Variants in MICU1 observed in about 807,000 individuals in gnomAD.
MICU1 encodes the protein mitochondrial calcium uptake 1.
In MICU1, 45 loss-of-function variants were observed where a neutral mutation model predicts 56.8. The observed-to-expected ratio is 0.79, with a 90% CI of 0.62 to 1.02. MICU1 has a LOEUF of 1.02. MICU1 is among the 50% of genes least tolerant of loss of function. MICU1 has a pLI of 0.00. For synonymous variants in MICU1, 186 were observed against 195.1 expected (o/e 0.95, Z 0.39); for missense variants, 504 against 587.1 (o/e 0.86, Z 1.46).
intron 7 of MICU1, 91 bp from the exon 8 acceptor site, chr10:72,475,388 A>G: frequency 8.5e-7 from 1 of 1,177,874 alleles, no homozygotes; most frequent in Non-Finnish European, 1.2e-6. Context: ...ATTGTTTACT[A>G]TTTGCCTACT....
intron 1 of MICU1, among the ~76,000 whole-genome samples, chr10:72,604,304 G>C (rs1489618593): frequency 1.1e-5 from 1 of 89,418 alleles, no homozygotes; most frequent in Non-Finnish European, 2.2e-5. Context: ...ACGGAGTTTT[G>C]CTCTTATTGT....
intron 8 of MICU1, among the ~76,000 whole-genome samples, chr10:72,423,909 G>C (rs1864261291): frequency 6.6e-6 from 1 of 152,182 alleles, no homozygotes; most frequent in African/African-American, 2.4e-5. Flanking sequence ...TTAGGACATT[G>C]ATAGAGATAG....
At chr10:72,392,288 G>A (rs765545984) in intron 10 of MICU1, among the ~76,000 whole-genome samples, 5 of 152,076 alleles carry the variant, frequency 3.3e-5, no homozygotes, top group African/African-American at 4.8e-5. Context: ...AAAACACAGA[G>A]GGCCAGGCAC....
At chr10:72,472,742 A>T (rs1422207506) in intron 8 of MICU1, among the ~76,000 whole-genome samples, 2 of 152,210 alleles carry the variant, frequency 1.3e-5, no homozygotes, top group African/African-American at 2.4e-5. Context: ...AACAAAACCA[A>T]TGTTACCATA....
chr10:72,425,393 CCT>C (rs200912104), intron 8 of MICU1, among the ~76,000 whole-genome samples: 2,282 of 152,304 alleles, frequency 0.015, 45 homozygotes, highest in African/African-American at 0.049. Context: ...TTATAAAAGG[CCT>C]TTATTCTCTG....
At chr10:72,609,424 T>G (rs551347402) in intron 1 of MICU1, among the ~76,000 whole-genome samples, 1 of 151,970 alleles carries the variant, frequency 6.6e-6, no homozygotes, top group East Asian at 1.9e-4. Context: ...AAGGATCACT[T>G]GAGGCCAGGA....
intron 6 of MICU1, among the ~76,000 whole-genome samples, chr10:72,496,717 T>C (rs1866857449): frequency 6.6e-6 from 1 of 152,128 alleles, no homozygotes; most frequent in African/African-American, 2.4e-5. Flanking sequence ...ATTACAGGCG[T>C]GAGCCACCGT....
At chr10:72,595,818 T>C (rs1322109170) in intron 1 of MICU1, among the ~76,000 whole-genome samples, 1 of 152,112 alleles carries the variant, frequency 6.6e-6, no homozygotes, top group Non-Finnish European at 1.5e-5. Flanking sequence ...CATAGAGGCT[T>C]TTTAAAAAAT....
intron 4 of MICU1, among the ~76,000 whole-genome samples, chr10:72,541,875 T>C (rs917018498): frequency 6.6e-6 from 1 of 152,174 alleles, no homozygotes; most frequent in Non-Finnish European, 1.5e-5. Context: ...GGTTGTTACA[T>C]AGCAATAACT....
At chr10:72,559,212 A>C (rs1469292484) in intron 3 of MICU1, among the ~76,000 whole-genome samples, 1 of 152,214 alleles carries the variant, frequency 6.6e-6, no homozygotes, top group African/African-American at 2.4e-5. Context: ...ACCCATAAAA[A>C]ACAAAAAAGC....
chr10:72,530,711 A>G (rs1839455374), intron 5 of MICU1, among the ~76,000 whole-genome samples: 5 of 152,300 alleles, frequency 3.3e-5, no homozygotes, highest in Admixed American at 3.3e-4. Flanking sequence ...CATTAACATA[A>G]AGTAATAATG....
At chr10:72,431,082 CT>C (rs1215534263) in intron 8 of MICU1, among the ~76,000 whole-genome samples, 1 of 129,774 alleles carries the variant, frequency 7.7e-6, no homozygotes, top group Non-Finnish European at 1.7e-5. Flanking sequence ...TTGAATATAC[CT>C]TTATCTGTCT....
intron 8 of MICU1, among the ~76,000 whole-genome samples, chr10:72,446,192 C>T (rs1246958729): frequency 6.6e-6 from 1 of 152,048 alleles, no homozygotes; most frequent in Non-Finnish European, 1.5e-5. Flanking sequence ...CATAGACTTC[C>T]ATGATTCAGA....
At chr10:72,616,665 A>AC (rs1361643715) in intron 1 of MICU1, among the ~76,000 whole-genome samples, 2 of 149,582 alleles carry the variant, frequency 1.3e-5, no homozygotes, top group African/African-American at 4.9e-5. Context: ...AAAAAAAAAA[A>AC]AACACACTAT....
intron 8 of MICU1, among the ~76,000 whole-genome samples, chr10:72,424,119 C>G (rs895077571): frequency 6.6e-6 from 1 of 150,794 alleles, no homozygotes; most frequent in African/African-American, 2.5e-5. Flanking sequence ...ATTTCCCCCC[C>G]ACCTTTTTTT....
chr10:72,405,106 A>G (rs984135438), intron 10 of MICU1, among the ~76,000 whole-genome samples: 2 of 151,872 alleles, frequency 1.3e-5, no homozygotes, highest in Admixed American at 6.6e-5. Context: ...ATGGGGTTTC[A>G]CCATGTTGGC....
intron 1 of MICU1, among the ~76,000 whole-genome samples, chr10:72,605,429 G>C (rs1841659888): frequency 6.6e-6 from 1 of 152,222 alleles, no homozygotes; most frequent in Non-Finnish European, 1.5e-5. Context: ...CATGAGGGCT[G>C]CTCTGCCTAT....
At chr10:72,565,697 G>T (rs927953912) in intron 2 of MICU1, among the ~76,000 whole-genome samples, 3 of 151,788 alleles carry the variant, frequency 2.0e-5, no homozygotes, top group Admixed American at 6.6e-5. Context: ...GGGCATGGTG[G>T]TGCACACCTA....
chr10:72,464,002 T>A (rs542546883), intron 8 of MICU1, among the ~76,000 whole-genome samples: 60 of 152,182 alleles, frequency 3.9e-4, no homozygotes, highest in Middle Eastern at 3.4e-3. Context: ...CCTTGTTTTG[T>A]AAAGAATTGT....
Sources: allele counts gnomAD v4.1 joint callset (sites outside exome capture counted in the v4.1 genomes callset), GRCh38; gene constraint gnomAD v4.1.1; transcripts MANE v1.5; gene names NCBI Gene and HGNC (gene_info 2026-07-23, HGNC 2026-07-21).